The following ELMO1 variants were observed in gnomAD, a reference collection of about 807,000 sequenced individuals.
ELMO1 encodes the protein engulfment and cell motility protein 1.
In ELMO1, 26 loss-of-function variants were observed where a neutral mutation model predicts 98.9. The ratio of observed to expected loss-of-function variants is 0.26; its 90% confidence interval spans 0.19 to 0.36. The LOEUF is 0.36. Ranked by LOEUF, ELMO1 falls within the 10% of genes least tolerant of loss-of-function variation. The pLI is 1.00. For missense variants in ELMO1, 627 were observed against 935.2 expected, an observed-to-expected ratio of 0.67 and a Z score of 4.30; for synonymous variants, 346 against 346.0, an observed-to-expected ratio of 1.00 and a Z score of 0.00.
chr7:37,445,437 C>T (rs1805572660), intron 1 of ELMO1, among the ~76,000 whole-genome samples: 1 of 152,154 alleles, frequency 6.6e-6, no homozygotes, highest in Admixed American at 6.5e-5. Context: ...AATGTTACCT[C>T]CATAGGAATG....
In ELMO1 at chr7:36,855,717, A is replaced by G; in HGVS notation, c.2018T>C (p.Leu673Pro). The G allele has an allele frequency of 6.2e-7, 1 of 1,614,036 alleles. No individual in the cohort carries two copies. Among genetic ancestry groups the G allele is most frequent in the Non-Finnish European group, 8.5e-7 (1 of 1,179,968 alleles). Residue 673 changes from leucine (L) to proline (P), a missense_variant, in exon 22 of 22, where the codon CTC (leucine) becomes CCC (proline). Transcript: ENST00000310758. The surrounding 1 kb of genome is among the most constrained non-coding windows in gnomAD (Gnocchi z 4.2). The stretch of plus-strand genomic sequence containing the variant: ...CAGGTCGCTCATCATGTCCTTCCCG[A>G]GTAGCGCATTCAGTCCATCCGTCCA... Reference protein sequence around the residue: ...CIWTDGLNALLGKDMMSDLTR... With the variant: ...CIWTDGLNALPGKDMMSDLTR...
intron 16 of ELMO1, among the ~76,000 whole-genome samples, chr7:36,994,745 TGCAATGTG>T (rs1403675414): frequency 6.6e-6 from 1 of 152,266 alleles, no homozygotes; most frequent in Non-Finnish European, 1.5e-5. Flanking sequence ...CAGCTCTGTC[TGCAATGTG>T]GCTTACTTTC....
chr7:37,349,264 G>A (rs1460462320), intron 1 of ELMO1, among the ~76,000 whole-genome samples: 3 of 152,208 alleles, frequency 2.0e-5, no homozygotes, highest in African/African-American at 7.2e-5. Context: ...GATGGGGATA[G>A]TGGAAAGGGA....
chr7:37,266,732 G>A (rs997898963), intron 5 of ELMO1, among the ~76,000 whole-genome samples: 4 of 152,074 alleles, frequency 2.6e-5, no homozygotes, highest in African/African-American at 9.7e-5. Context: ...CATGAGTACA[G>A]CCAGGCATGG....
At chr7:37,182,462 C>CT (rs59657539) in intron 13 of ELMO1, among the ~76,000 whole-genome samples, 895 of 14,696 alleles carry the variant, frequency 0.061, 212 homozygotes, top group East Asian at 0.44. Flanking sequence ...TTGTGCTCTA[C>CT]TTTTTTTTTT....
chr7:36,924,607 T>C (rs1048432120), intron 16 of ELMO1, among the ~76,000 whole-genome samples: 6 of 152,222 alleles, frequency 3.9e-5, no homozygotes, highest in Non-Finnish European at 1.5e-5. Flanking sequence ...AAACTTTTAC[T>C]TAAAGGAAAT....
In ELMO1 at chr7:37,298,240, A is replaced by G. The variant is rs1209590380; in HGVS notation, c.192+16610T>C. ...ACAAGAGAGGGGGGACCTGAACATCAAAAAGGTAGAATAAAAGTAGGTGGA... is the reference window on the plus strand; with the variant it reads ...ACAAGAGAGGGGGGACCTGAACATCGAAAAGGTAGAATAAAAGTAGGTGGA... On this transcript the variant is annotated intron_variant, in intron 4 of 21. Transcript: ENST00000310758. Among the ~76,000 whole-genome samples, 4 of 152,020 alleles carry G rather than the reference A, an allele frequency of 2.6e-5. No homozygotes were observed. In the East Asian group the frequency reaches 7.7e-4, roughly 29 times the overall value.
At chr7:37,053,778 A>G (rs886534374) in intron 15 of ELMO1, among the ~76,000 whole-genome samples, 3 of 152,168 alleles carry the variant, frequency 2.0e-5, no homozygotes, top group Admixed American at 2.0e-4. Flanking sequence ...CGGGTTATTG[A>G]TCAAAGTCTC....
At chr7:37,442,844 G>T (rs1943894548) in intron 1 of ELMO1, among the ~76,000 whole-genome samples, 1 of 152,200 alleles carries the variant, frequency 6.6e-6, no homozygotes, top group South Asian at 2.1e-4. Context: ...GGCCTCAGAG[G>T]CTGGCAAGTC....
At chr7:37,171,725 C>T (rs1436087036) in intron 13 of ELMO1, among the ~76,000 whole-genome samples, 1 of 151,914 alleles carries the variant, frequency 6.6e-6, no homozygotes, top group Non-Finnish European at 1.5e-5. Flanking sequence ...ATCTCCTGAC[C>T]TCGTGATCTG....
intron 16 of ELMO1, among the ~76,000 whole-genome samples, chr7:37,003,652 C>A (rs1792841764): frequency 6.6e-6 from 1 of 152,138 alleles, no homozygotes; most frequent in Non-Finnish European, 1.5e-5. Flanking sequence ...GACATACAAC[C>A]AATGTAAATT....
At chr7:37,158,785 C>G (rs533976918) in intron 13 of ELMO1, among the ~76,000 whole-genome samples, 23 of 152,294 alleles carry the variant, frequency 1.5e-4, no homozygotes, top group Admixed American at 1.3e-3. Context: ...ACCATTTGAC[C>G]CAGCCATCCC....
rs535045782 is a variant in ELMO1 at position 36,882,552 on chromosome 7, G to C, written c.1715-4435C>G. Among the ~76,000 whole-genome samples, 8 of 152,346 alleles carry C rather than the reference G, an allele frequency of 5.3e-5. No homozygotes were observed. The South Asian group carries it at 1.7e-3, about 32-fold the overall frequency. On this transcript the variant is annotated intron_variant, in intron 18 of 21. Transcript: ENST00000310758. ...CTGCCTCCCTGGACACAGCTGCTCA[G>C]AGCAAATGACACCGGAGTCCCTAGG... is the stretch of plus-strand genomic sequence containing the variant.
chr7:37,076,349 T>C (rs1370529617), intron 15 of ELMO1, among the ~76,000 whole-genome samples: 1 of 152,152 alleles, frequency 6.6e-6, no homozygotes, highest in Non-Finnish European at 1.5e-5. Flanking sequence ...TACTCAAAAA[T>C]GACAGAAATT....
At chr7:37,055,482 T>C (rs900876395) in intron 15 of ELMO1, among the ~76,000 whole-genome samples, 2 of 152,174 alleles carry the variant, frequency 1.3e-5, no homozygotes, top group African/African-American at 4.8e-5. Context: ...GTTGTAGCAG[T>C]CAAGCTACCT....
chr7:37,142,721 G>A (rs1787718878), intron 13 of ELMO1, among the ~76,000 whole-genome samples: 1 of 152,192 alleles, frequency 6.6e-6, no homozygotes, highest in African/African-American at 2.4e-5. Flanking sequence ...CAGGAGGGGA[G>A]CCAAATGTAA....
intron 14 of ELMO1, among the ~76,000 whole-genome samples, chr7:37,108,369 C>G (rs919976098): frequency 1.3e-5 from 2 of 152,204 alleles, no homozygotes; most frequent in Non-Finnish European, 2.9e-5. Context: ...AATTTTCCCT[C>G]TCCTTCAGAC....
chr7:37,321,011 C>A (rs1457853396), intron 2 of ELMO1, among the ~76,000 whole-genome samples: 3 of 152,138 alleles, frequency 2.0e-5, no homozygotes, highest in African/African-American at 7.2e-5. Flanking sequence ...TGGAAGAGCA[C>A]TGAACACCAG....
At chr7:37,112,184 A>C (rs1050702919) in intron 14 of ELMO1, among the ~76,000 whole-genome samples, 1 of 152,314 alleles carries the variant, frequency 6.6e-6, no homozygotes, top group African/African-American at 2.4e-5. Context: ...ACAGAAAGTA[A>C]GGGCATAGGG....
Sources: allele counts gnomAD v4.1 joint callset (sites outside exome capture counted in the v4.1 genomes callset), GRCh38; gene constraint gnomAD v4.1.1; non-coding constraint Gnocchi (gnomAD v3.1); transcripts MANE v1.5; gene names NCBI Gene and HGNC (gene_info 2026-07-23, HGNC 2026-07-21).